RAI14: variants seen among roughly 807,000 people sequenced by gnomAD.
The protein encoded by RAI14 is ankycorbin.
A neutral mutation model predicts 115.4 loss-of-function variants in RAI14; 45 were observed. The observed-to-expected ratio is 0.39, with a 90% CI of 0.31 to 0.50. The LOEUF (loss-of-function observed/expected upper bound fraction) is 0.50, where lower values mean the gene tolerates loss of function less well. Among genes scored for constraint, RAI14 ranks in the 20% least tolerant of loss-of-function variants. The probability of loss-of-function intolerance (pLI) is 0.85; values close to 1 mark genes in which losing one functional copy is unlikely to be tolerated. For missense variants in RAI14, 939 were observed against 1,131.2 expected, an observed-to-expected ratio of 0.83 and a Z score of 2.44; for synonymous variants, 371 against 415.4, an observed-to-expected ratio of 0.89 and a Z score of 1.30.
chr5:34,809,173 C>T (rs930338844), intron 7 of RAI14, among the ~76,000 whole-genome samples: 1 of 152,160 alleles, frequency 6.6e-6, no homozygotes, highest in Non-Finnish European at 1.5e-5. Flanking sequence ...TCACCAGTGG[C>T]GTTTGGGGAT....
chr5:34,795,720 T>A (rs1159534610), intron 3 of RAI14, among the ~76,000 whole-genome samples: 2 of 152,158 alleles, frequency 1.3e-5, no homozygotes, highest in Non-Finnish European at 2.9e-5. Context: ...CTCCATCCCT[T>A]AACTAAAGCT....
intron 2 of RAI14, among the ~76,000 whole-genome samples, chr5:34,705,108 T>G (rs1740547574): frequency 6.6e-6 from 1 of 152,186 alleles, no homozygotes; most frequent in South Asian, 2.1e-4. Context: ...TTATTTATTT[T>G]CATAAATTTA....
At chr5:34,776,960 G>A (rs1179056658) in intron 3 of RAI14, among the ~76,000 whole-genome samples, 1 of 152,112 alleles carries the variant, frequency 6.6e-6, no homozygotes, top group East Asian at 1.9e-4. Context: ...CTTGAGGTCA[G>A]AAGTTCGAGA....
rs527452618 is a variant in RAI14, at chr5:34,756,842, A to G, written c.37-626A>G. On this transcript the variant is annotated intron_variant, in intron 2 of 17. Transcript: ENST00000265109. ...TATTCAGTTGGGGTTTGGCATTGAC[A>G]GTGATTGAGGCTTTGCTCAAAGCTC... 1.8e-4 allele frequency among the ~76,000 whole-genome samples: 27 copies of G among 152,328 alleles called. No homozygotes were observed. The South Asian group carries it at 5.2e-3, about 29-fold the overall frequency.
At chr5:34,739,568 T>C (rs1452436696) in intron 2 of RAI14, among the ~76,000 whole-genome samples, 1 of 152,166 alleles carries the variant, frequency 6.6e-6, no homozygotes, top group Non-Finnish European at 1.5e-5. Flanking sequence ...AAAAAGGATA[T>C]TTTGGGGGCA....
At position 34,711,114 on chromosome 5, in the gene RAI14, T is replaced by G. The variant is rs72730540; in HGVS notation, c.36+24159T>G. Among the ~76,000 whole-genome samples the G allele has an allele frequency of 1.1e-4, 17 of 152,168 alleles. No homozygotes were observed. In the East Asian group the frequency reaches 2.1e-3, roughly 19 times the overall value. On this transcript the variant is annotated intron_variant, in intron 2 of 17. Coordinates refer to ENST00000265109, the MANE Select transcript of RAI14 (RefSeq NM_015577.3). ...TAGAGATGAGGCCTTTGGGAAGTGA[T>G]TAGGTCATAGGTTTCATGCGCGTCC...
At chr5:34,729,782 CAT>C (rs1743948407) in intron 2 of RAI14, among the ~76,000 whole-genome samples, 1 of 152,252 alleles carries the variant, frequency 6.6e-6, no homozygotes, top group South Asian at 2.1e-4. Context: ...TTAAGAGACT[CAT>C]GAGACAGAGC....
At chr5:34,775,973 G>GTT (rs560555529) in intron 3 of RAI14, among the ~76,000 whole-genome samples, 68 of 152,284 alleles carry the variant, frequency 4.5e-4, no homozygotes, top group African/African-American at 1.3e-3. Flanking sequence ...GCACTCTCAT[G>GTT]TTTATTGTAG....
intron 3 of RAI14, among the ~76,000 whole-genome samples, chr5:34,760,109 C>T (rs1032159312): frequency 7.9e-5 from 11 of 139,130 alleles, no homozygotes; most frequent in African/African-American, 2.4e-4. Context: ...AGTACAGTGG[C>T]GTGATCTTGG....
At chr5:34,713,906 A>G (rs546906461) in intron 2 of RAI14, among the ~76,000 whole-genome samples, 17 of 152,216 alleles carry the variant, frequency 1.1e-4, no homozygotes, top group African/African-American at 3.6e-4. Context: ...CCCGGTTTCA[A>G]ACGATTCTCC....
intron 2 of RAI14, among the ~76,000 whole-genome samples, chr5:34,745,735 C>T (rs1383406376): frequency 6.6e-6 from 1 of 152,178 alleles, no homozygotes; most frequent in Non-Finnish European, 1.5e-5. Context: ...AAATGCTGCT[C>T]CCAGCTGGAC....
chr5:34,799,713 G>A (rs1436226193), intron 4 of RAI14, among the ~76,000 whole-genome samples: 4 of 114,070 alleles, frequency 3.5e-5, no homozygotes, highest in Non-Finnish European at 6.9e-5. Flanking sequence ...TTTTTGACAC[G>A]GAGTCTCACT....
chr5:34,748,433 C>T (rs575455722), intron 2 of RAI14, among the ~76,000 whole-genome samples: 1 of 152,268 alleles, frequency 6.6e-6, no homozygotes, highest in Admixed American at 6.5e-5. Context: ...GTTGTTTATG[C>T]TCTCTACTAA....
At position 34,823,795 on chromosome 5, in the gene RAI14, G is replaced by C. The variant is rs372283353; in HGVS notation, c.1953G>C (p.Leu651=). Residue 651 remains leucine, a synonymous_variant, in exon 15 of 18, where the codon CTG becomes CTC. Transcript: ENST00000265109. The surrounding 1 kb of genome is among the most constrained non-coding windows in gnomAD (Gnocchi z 4.5). Reference sequence around the variant, plus strand: ...AACAGGTGAGCGAGCTGTCACAGCTGTACAAAGAAGCCCAGGCTGAGCTGG... The same window carrying C: ...AACAGGTGAGCGAGCTGTCACAGCTCTACAAAGAAGCCCAGGCTGAGCTGG... ...LNKQVSELSQ[L]YKEAQAELED... is the part of the protein sequence containing the mutation. The C allele has an allele frequency of 1.9e-6, 3 of 1,614,188 alleles. No homozygotes were observed. Among genetic ancestry groups the C allele is most frequent in the Non-Finnish European group, 2.5e-6 (3 of 1,180,036 alleles).
At chr5:34,701,322 TG>T (rs1001449034) in intron 2 of RAI14, among the ~76,000 whole-genome samples, 3 of 152,204 alleles carry the variant, frequency 2.0e-5, no homozygotes, top group African/African-American at 4.8e-5. Context: ...TCCTTCTTTG[TG>T]GGGGGAAAAT....
intron 2 of RAI14, chr5:34,688,190 G>C (rs1738089827): frequency 5.2e-6 from 8 of 1,549,990 alleles, no homozygotes; most frequent in Non-Finnish European, 7.0e-6. Flanking sequence ...CTCATCGTCT[G>C]CTGGCTGTAT....
intron 3 of RAI14, among the ~76,000 whole-genome samples, chr5:34,762,265 C>T (rs1748751249): frequency 2.0e-5 from 3 of 152,162 alleles, no homozygotes; most frequent in Admixed American, 2.0e-4. Context: ...ACTTGGCCCC[C>T]AAGCTTCCAC....
intron 2 of RAI14, among the ~76,000 whole-genome samples, chr5:34,736,178 A>T (rs1744849386): frequency 6.6e-6 from 1 of 152,192 alleles, no homozygotes; most frequent in Admixed American, 6.5e-5. Context: ...AGGCGGGCGG[A>T]TCACCTGAGG....
At chr5:34,685,967 T>C (rs1744822641) in intron 1 of RAI14, among the ~76,000 whole-genome samples, 1 of 152,164 alleles carries the variant, frequency 6.6e-6, no homozygotes, top group African/African-American at 2.4e-5. Context: ...AGAGGCCCCC[T>C]GAGGAATGAG....
Sources: gnomAD v4.1 joint callset for allele counts (sites outside exome capture counted in the v4.1 genomes callset) on GRCh38, gnomAD v4.1.1 for gene constraint, Gnocchi (gnomAD v3.1) non-coding constraint, MANE v1.5 for transcripts, NCBI Gene and HGNC (gene_info 2026-07-23, HGNC 2026-07-21) for gene names.